Variants in THBS4 observed in about 807,000 individuals in gnomAD.
The protein encoded by THBS4 is thrombospondin 4.
Under a neutral mutation model 115.7 loss-of-function variants are expected in THBS4, and 90 were observed. The observed-to-expected ratio is 0.78, with a 90% confidence interval of 0.66 to 0.93. The LOEUF is 0.93. Ranked by LOEUF, THBS4 falls within the 40% of genes least tolerant of loss-of-function variation. The pLI is 0.00. For synonymous variants in THBS4, 460 were observed against 479.3 expected, an observed-to-expected ratio of 0.96 and a Z score of 0.53; for missense variants, 1,087 against 1,232.7, an observed-to-expected ratio of 0.88 and a Z score of 1.77.
chr5:80,043,255 G>A (rs1053244640), intron 2 of THBS4, among the ~76,000 whole-genome samples: 1 of 152,182 alleles, frequency 6.6e-6, no homozygotes, highest in Non-Finnish European at 1.5e-5. Flanking sequence ...GAATATAAAA[G>A]TTTCAGGAAA....
intron 7 of THBS4, 116 bp from the exon 8 acceptor site, chr5:80,061,579 T>G (rs888931228): frequency 4.4e-6 from 6 of 1,355,438 alleles, no homozygotes; most frequent in Non-Finnish European, 5.0e-6. Flanking sequence ...TTCCTTTTAT[T>G]ATTTTTTCCA....
chr5:80,003,942 A>G (rs1461848250), intron 2 of THBS4, among the ~76,000 whole-genome samples: 1 of 152,234 alleles, frequency 6.6e-6, no homozygotes. Flanking sequence ...AGTGTAGCTG[A>G]GCACAGCGAG....
Position 80,021,496 on chromosome 5 carries a change from C to CT in THBS4, n.178-18580dup, listed in dbSNP as rs536127071. On this transcript the variant is annotated intron_variant and non_coding_transcript_variant, in intron 2 of 3. Coordinates refer to the THBS4 transcript ENST00000510218. The stretch of plus-strand genomic sequence containing the variant: ...AGGCATATGAGATAAAGTAGTGACT[C>CT]TAAGAGCACTGTTCATAGTACTTTG... Among the ~76,000 whole-genome samples the CT allele has an allele frequency of 4.3e-3, 654 of 152,056 alleles. 3 individuals carry two copies. Among genetic ancestry groups the CT allele is most frequent in the Admixed American group, 0.013 (200 of 15,244 alleles).
At chr5:80,026,800 A>G (rs1486090236) in intron 2 of THBS4, among the ~76,000 whole-genome samples, 1 of 152,222 alleles carries the variant, frequency 6.6e-6, no homozygotes, top group Non-Finnish European at 1.5e-5. Flanking sequence ...TAATACATTA[A>G]GAGTATTCTT....
At chr5:80,041,420 T>C (rs535298273) in intron 2 of THBS4, among the ~76,000 whole-genome samples, 1 of 152,280 alleles carries the variant, frequency 6.6e-6, no homozygotes, top group South Asian at 2.1e-4. Context: ...GATACAAACA[T>C]TCAGCCCATG....
chr5:80,055,439 A>G (rs905642730), intron 2 of THBS4, among the ~76,000 whole-genome samples: 3 of 152,180 alleles, frequency 2.0e-5, no homozygotes, highest in Admixed American at 6.5e-5. Flanking sequence ...CTACGCTTAT[A>G]TAGAGTTTAC....
At chr5:80,066,094 CAAAA>C (rs34135437) in intron 9 of THBS4, among the ~76,000 whole-genome samples, 3 of 80,692 alleles carry the variant, frequency 3.7e-5, no homozygotes, top group Non-Finnish European at 2.4e-5. Flanking sequence ...GACTCCCTCT[CAAAA>C]AAAAAAAAAA....
chr5:80,006,949 T>C (rs540638210), intron 2 of THBS4, among the ~76,000 whole-genome samples: 19 of 152,330 alleles, frequency 1.2e-4, no homozygotes, highest in African/African-American at 4.6e-4. Flanking sequence ...TTAATAAACA[T>C]GTATTGAGCA....
chr5:80,044,544 T>C (rs1229880575), intron 2 of THBS4, among the ~76,000 whole-genome samples: 1 of 152,078 alleles, frequency 6.6e-6, no homozygotes, highest in Non-Finnish European at 1.5e-5. Flanking sequence ...TGCCTCAGCC[T>C]CCCGAGTAGC....
chr5:79,998,685 A>T (rs1831844532), intron 2 of THBS4, among the ~76,000 whole-genome samples: 1 of 152,316 alleles, frequency 6.6e-6, no homozygotes, highest in Admixed American at 6.5e-5. Context: ...CATTTATTTT[A>T]CAACTTCCTG....
In THBS4 at chr5:80,073,259, G is replaced by A; in HGVS notation, c.1840-16G>A. ...GCAGGCCCAGGAATAAATAACATGT[G>A]CTGTTCTCTTTGCAGTCTGATGTGG... On this transcript the variant is annotated splice_polypyrimidine_tract_variant and intron_variant, in intron 14 of 21. Coordinates refer to ENST00000350881, the MANE Select transcript of THBS4 (RefSeq NM_003248.6). 1 of 1,613,678 alleles carries A rather than the reference G, an allele frequency of 6.2e-7. No individual in the cohort carries two copies. The highest frequency in any genetic ancestry group is 8.5e-7 in the Non-Finnish European group (1 of 1,179,716).
intron 16 of THBS4, among the ~76,000 whole-genome samples, 169 bp downstream of exon 16, chr5:80,077,217 T>C (rs1743262499): frequency 6.6e-6 from 1 of 152,202 alleles, no homozygotes; most frequent in African/African-American, 2.4e-5. Context: ...ACAGCAGATA[T>C]CTGGTAGACA....
chr5:80,051,538 A>G (rs950414973), intron 2 of THBS4, among the ~76,000 whole-genome samples: 1 of 152,140 alleles, frequency 6.6e-6, no homozygotes, highest in Non-Finnish European at 1.5e-5. Flanking sequence ...TGCTATTGTC[A>G]TGAGATCTAG....
intron 2 of THBS4, among the ~76,000 whole-genome samples, chr5:80,020,744 A>G (rs914261665): frequency 6.6e-6 from 1 of 152,142 alleles, no homozygotes; most frequent in Admixed American, 6.5e-5. Context: ...ACTGATGGCA[A>G]TCTCGGGCAC....
At chr5:80,073,524 C>T (rs1383670954) in intron 15 of THBS4, among the ~76,000 whole-genome samples, 197 bp downstream of exon 15, 1 of 152,092 alleles carries the variant, frequency 6.6e-6, no homozygotes, top group Non-Finnish European at 1.5e-5. Flanking sequence ...GCTGGGACTA[C>T]AGGCGCCCGC....
At chr5:80,062,416 CT>C (rs1249326900) in intron 8 of THBS4, among the ~76,000 whole-genome samples, 1 of 152,088 alleles carries the variant, frequency 6.6e-6, no homozygotes, top group East Asian at 1.9e-4. Flanking sequence ...GTTTTTAGCC[CT>C]TAAAAATGGT....
intron 2 of THBS4, among the ~76,000 whole-genome samples, chr5:80,014,586 G>T (rs1832210635): frequency 6.6e-6 from 1 of 152,208 alleles, no homozygotes; most frequent in Admixed American, 6.5e-5. Context: ...GGGGAAGAGA[G>T]GGAGAAAGTG....
intron 1 of THBS4, 72 bp from the exon 2 acceptor site, chr5:80,040,005 C>G (rs1181318770): frequency 1.0e-5 from 14 of 1,392,122 alleles, no homozygotes; most frequent in Non-Finnish European, 1.2e-5. Context: ...TGCACCCCCC[C>G]CAAACAAAGA....
chr5:80,082,890 A>AAGGAGCACTCCTGGGCTTT (rs2112183683), intron 21 of THBS4, among the ~76,000 whole-genome samples, 190 bp from the exon 22 acceptor site: 1 of 152,358 alleles, frequency 6.6e-6, no homozygotes, highest in South Asian at 2.1e-4. Flanking sequence ...CACGGCCGGG[A>AAGGAGCACTCCTGGGCTTT]AGGAGCACTC....
Sources: allele counts gnomAD v4.1 joint callset (sites outside exome capture counted in the v4.1 genomes callset), GRCh38; gene constraint gnomAD v4.1.1; transcripts MANE v1.5; gene names NCBI Gene and HGNC (gene_info 2026-07-23, HGNC 2026-07-21).